The following ADAM18 variants were observed in gnomAD, a reference collection of about 807,000 sequenced individuals.
ADAM18 encodes ADAM metallopeptidase domain 18, also known as disintegrin and metalloproteinase domain-containing protein 18.
Under a neutral mutation model 94.4 loss-of-function variants are expected in ADAM18, and 117 were observed. The observed-to-expected ratio is 1.24, with a 90% CI of 1.07 to 1.45. The LOEUF is 1.45. Among genes scored for constraint, ADAM18 ranks in the 40% most tolerant of loss-of-function variants. The pLI is 0.00. For synonymous variants in ADAM18, 327 were observed against 291.6 expected, an observed-to-expected ratio of 1.12 and a Z score of -1.24; for missense variants, 936 against 880.0, an observed-to-expected ratio of 1.06 and a Z score of -0.81.
chr8:39,656,629 G>T (rs769080449), intron 12 of ADAM18, among the ~76,000 whole-genome samples: 1 of 152,082 alleles, frequency 6.6e-6, no homozygotes, highest in South Asian at 2.1e-4. Context: ...TCAGATAAGA[G>T]ATTTAAAGGG....
chr8:39,630,018 A>G (rs1219185366), intron 7 of ADAM18, among the ~76,000 whole-genome samples: 1 of 151,940 alleles, frequency 6.6e-6, no homozygotes, highest in Admixed American at 6.6e-5. Flanking sequence ...ACCATCTTAT[A>G]AAGCATATTC....
rs550252797 is a variant in ADAM18 at position 39,664,393 on chromosome 8, A to C, written c.1326+503A>C. On this transcript the variant is annotated intron_variant, in intron 13 of 19. Transcript: ENST00000265707. The stretch of plus-strand genomic sequence containing the variant: ...GTGTAAGTTATATACAAATGTTACA[A>C]GATATTATGTAAAGGACTTGAGTGC... Among the ~76,000 whole-genome samples, 4 of 152,298 alleles carry C rather than the reference A, an allele frequency of 2.6e-5. No homozygotes were observed. In the South Asian group the frequency reaches 8.3e-4, roughly 32 times the overall value.
intron 18 of ADAM18, 92 bp downstream of exon 18, chr8:39,706,996 A>C: frequency 1.4e-6 from 1 of 698,240 alleles, no homozygotes; most frequent in Non-Finnish European, 2.4e-6. Flanking sequence ...TGGTAGCTTC[A>C]TCTACATTGC....
In ADAM18 at chr8:39,645,324, GTC is replaced by G; in HGVS notation, c.910-12_910-11del. 2.5e-6 allele frequency: 4 copies of G among 1,580,376 alleles called. No homozygotes were observed. The highest frequency in any genetic ancestry group is 3.4e-6 in the Non-Finnish European group (4 of 1,165,706). Reference sequence around the variant, plus strand: ...CACACATAATAATTTTCTTTTTCATGTCTTTTATTTTAGTATCCAGATGCAAT... The same window carrying G: ...CACACATAATAATTTTCTTTTTCATGTTTTATTTTAGTATCCAGATGCAAT... On this transcript the variant is annotated splice_polypyrimidine_tract_variant and intron_variant, in intron 10 of 19. Coordinates refer to ENST00000265707, the MANE Select transcript of ADAM18 (RefSeq NM_014237.3).
intron 18 of ADAM18, among the ~76,000 whole-genome samples, chr8:39,719,919 G>A (rs968151219): frequency 8.6e-5 from 13 of 151,386 alleles, no homozygotes; most frequent in Non-Finnish European, 1.9e-4. Context: ...ATAGAATGCT[G>A]ATGCCCATAC....
At chr8:39,586,789 TATCTATC>T (rs1818412143) in intron 2 of ADAM18, among the ~76,000 whole-genome samples, 1 of 136,300 alleles carries the variant, frequency 7.3e-6, no homozygotes, top group African/African-American at 2.6e-5. Context: ...TCTATCTATC[TATCTATC>T]TATCTATATC....
chr8:39,698,627 T>C (rs1821986939), intron 17 of ADAM18, among the ~76,000 whole-genome samples: 1 of 152,056 alleles, frequency 6.6e-6, no homozygotes, highest in Admixed American at 6.6e-5. Context: ...TCTTGATACC[T>C]TTCTATTTCC....
intron 10 of ADAM18, 97 bp from the exon 11 acceptor site, chr8:39,645,241 G>A: frequency 1.9e-6 from 2 of 1,032,004 alleles, no homozygotes; most frequent in Non-Finnish European, 2.8e-6. Flanking sequence ...AACATAAGAA[G>A]TATTAAAATA....
chr8:39,725,504 C>T (rs1017984446), intron 19 of ADAM18, among the ~76,000 whole-genome samples: 4 of 152,060 alleles, frequency 2.6e-5, no homozygotes, highest in African/African-American at 7.2e-5. Flanking sequence ...TCTCTGCTCC[C>T]GCATCTCTTG....
intron 10 of ADAM18, among the ~76,000 whole-genome samples, chr8:39,639,469 G>A (rs1292069318): frequency 6.6e-6 from 1 of 151,748 alleles, no homozygotes; most frequent in Non-Finnish European, 1.5e-5. Flanking sequence ...TTAAAAATAC[G>A]CCCATGAAGT....
At chr8:39,678,428 C>A (rs1319619467) in intron 15 of ADAM18, among the ~76,000 whole-genome samples, 1 of 152,114 alleles carries the variant, frequency 6.6e-6, no homozygotes, top group African/African-American at 2.4e-5. Flanking sequence ...GGAGAGGATG[C>A]AGAACTTCCC....
chr8:39,628,404 G>A (rs1019335982), intron 6 of ADAM18, among the ~76,000 whole-genome samples: 1 of 143,046 alleles, frequency 7.0e-6, no homozygotes, highest in South Asian at 2.3e-4. Flanking sequence ...TGAATTGATA[G>A]ACTGATAGAT....
chr8:39,650,555 T>C (rs1820505050), intron 12 of ADAM18, among the ~76,000 whole-genome samples: 1 of 151,990 alleles, frequency 6.6e-6, no homozygotes, highest in Non-Finnish European at 1.5e-5. Flanking sequence ...CTACAAAAAA[T>C]AAATACTTGG....
intron 3 of ADAM18, among the ~76,000 whole-genome samples, chr8:39,607,821 T>C (rs1173480995): frequency 6.6e-6 from 1 of 151,980 alleles, no homozygotes; most frequent in Non-Finnish European, 1.5e-5. Context: ...TGGTTTTTTT[T>C]TTTCCCCCTA....
At chr8:39,691,239 T>C (rs767080321) in intron 16 of ADAM18, among the ~76,000 whole-genome samples, 4 of 152,202 alleles carry the variant, frequency 2.6e-5, no homozygotes, top group Non-Finnish European at 5.9e-5. Context: ...TCAATTAATG[T>C]AATTCACTGC....
At chr8:39,698,858 A>G (rs1216600609) in intron 17 of ADAM18, among the ~76,000 whole-genome samples, 15 of 152,024 alleles carry the variant, frequency 9.9e-5, no homozygotes, top group Non-Finnish European at 2.2e-4. Context: ...AAGTATCTAA[A>G]TCTTTCACCT....
At chr8:39,589,246 G>T (rs371192938) in intron 2 of ADAM18, among the ~76,000 whole-genome samples, 4 of 152,254 alleles carry the variant, frequency 2.6e-5, no homozygotes, top group Admixed American at 2.0e-4. Flanking sequence ...AATGTTACTG[G>T]CTGCTTTCCC....
intron 2 of ADAM18, among the ~76,000 whole-genome samples, chr8:39,597,406 T>A (rs1422318330): frequency 2.0e-5 from 3 of 152,186 alleles, no homozygotes; most frequent in Non-Finnish European, 4.4e-5. Context: ...TATAGTTGTG[T>A]ATTTTACATT....
rs529015141 is a variant in ADAM18 at position 39,655,925 on chromosome 8, A to G, written c.1230+7398A>G. Among the ~76,000 whole-genome samples the G allele has an allele frequency of 3.9e-5, 6 of 152,220 alleles. No homozygotes were observed. The South Asian group carries it at 1.2e-3, about 32-fold the overall frequency. On this transcript the variant is annotated intron_variant, in intron 12 of 19. Transcript: ENST00000265707. ...TAGGAATATATATAATAAAACATGT[A>G]TAAGACTACTAAATATAAAACTGCA...
Sources: gnomAD v4.1 joint callset for allele counts (sites outside exome capture counted in the v4.1 genomes callset) on GRCh38, gnomAD v4.1.1 for gene constraint, MANE v1.5 for transcripts, NCBI Gene and HGNC (gene_info 2026-07-23, HGNC 2026-07-21) for gene names.